CACNA2D3: variants seen among roughly 807,000 people sequenced by gnomAD.
CACNA2D3 encodes calcium voltage-gated channel auxiliary subunit alpha2delta 3.
Under a neutral mutation model 160.6 loss-of-function variants are expected in CACNA2D3, and 60 were observed. The ratio of observed to expected loss-of-function variants is 0.37; its 90% confidence interval spans 0.30 to 0.46. CACNA2D3 has a LOEUF of 0.46. Ranked by LOEUF, CACNA2D3 falls within the 20% of genes least tolerant of loss-of-function variation. CACNA2D3 has a pLI of 1.00. For synonymous variants in CACNA2D3, 558 were observed against 492.9 expected, an observed-to-expected ratio of 1.13 and a Z score of -1.75; for missense variants, 1,205 against 1,365.0, an observed-to-expected ratio of 0.88 and a Z score of 1.85.
rs115108719 is a variant in CACNA2D3, at chr3:54,548,442, G to C, written c.545-14358G>C. Among the ~76,000 whole-genome samples the C allele has an allele frequency of 1.8e-3, 279 of 152,252 alleles. 3 individuals carry two copies. Among genetic ancestry groups the C allele is most frequent in the African/African-American group, 6.5e-3 (270 of 41,564 alleles). On this transcript the variant is annotated intron_variant, in intron 5 of 37. Transcript: ENST00000474759. The stretch of plus-strand genomic sequence containing the variant: ...TTTTCCACCCATGGTTCAAGCAAGA[G>C]ATCAAGATTTCTTTATTCTACTACC...
chr3:54,892,609 C>T (rs1419862978), intron 25 of CACNA2D3, among the ~76,000 whole-genome samples: 3 of 152,024 alleles, frequency 2.0e-5, no homozygotes, highest in African/African-American at 4.8e-5. Context: ...CTTTTTTAAG[C>T]GTTTTTCCCC....
chr3:54,423,862 A>G (rs1191056729), intron 4 of CACNA2D3, among the ~76,000 whole-genome samples: 1 of 151,382 alleles, frequency 6.6e-6, no homozygotes, highest in Non-Finnish European at 1.5e-5. Context: ...TGCTGGGTTT[A>G]ATGCTCTTCT....
chr3:54,638,905 T>C (rs1225466689), intron 10 of CACNA2D3: 1 of 151,920 alleles, frequency 6.6e-6, no homozygotes, highest in East Asian at 1.9e-4. Flanking sequence ...TTTTAAGTTC[T>C]TAAGAATACA....
rs895853181 is a variant in CACNA2D3 at position 54,745,894 on chromosome 3, G to A, written c.1168-6705G>A. Among the ~76,000 whole-genome samples the A allele has an allele frequency of 4.6e-5, 7 of 152,024 alleles. No homozygotes were observed. The East Asian group carries it at 5.8e-4, about 13-fold the overall frequency. Reference sequence around the variant, plus strand: ...AAGAGATTGTATAGACTCTTAGAGCGTCCCTAAGGTGACAGTCCATTTTTC... The same window carrying A: ...AAGAGATTGTATAGACTCTTAGAGCATCCCTAAGGTGACAGTCCATTTTTC... On this transcript the variant is annotated intron_variant, in intron 11 of 37. Transcript: ENST00000474759.
intron 27 of CACNA2D3, among the ~76,000 whole-genome samples, chr3:54,967,985 C>G (rs1222504255): frequency 1.3e-5 from 2 of 152,222 alleles, no homozygotes; most frequent in African/African-American, 4.8e-5. Context: ...AAGTGACTCA[C>G]TTCTGAATTC....
At chr3:54,990,473 A>G (rs1386626271) in intron 31 of CACNA2D3, among the ~76,000 whole-genome samples, 1 of 152,168 alleles carries the variant, frequency 6.6e-6, no homozygotes, top group Admixed American at 6.5e-5. Context: ...GGAGATTGCG[A>G]TAAGCCGAGG....
intron 4 of CACNA2D3, among the ~76,000 whole-genome samples, chr3:54,481,163 C>T (rs1406680260): frequency 6.6e-6 from 1 of 152,062 alleles, no homozygotes; most frequent in African/African-American, 2.4e-5. Flanking sequence ...AAAGAGTGGC[C>T]TCTGGCTAGG....
intron 4 of CACNA2D3, among the ~76,000 whole-genome samples, chr3:54,451,771 C>A (rs1208281294): frequency 6.6e-6 from 1 of 152,204 alleles, no homozygotes; most frequent in East Asian, 1.9e-4. Flanking sequence ...CTAGGCCACA[C>A]CTTCTGCACT....
At chr3:54,953,380 G>T (rs1274773758) in intron 27 of CACNA2D3, among the ~76,000 whole-genome samples, 3 of 152,128 alleles carry the variant, frequency 2.0e-5, no homozygotes, top group Admixed American at 2.0e-4. Context: ...AAGTGGTGGG[G>T]CCCGGTAACA....
chr3:54,766,037 C>T (rs1366889677), intron 13 of CACNA2D3, among the ~76,000 whole-genome samples: 1 of 152,084 alleles, frequency 6.6e-6, no homozygotes, highest in African/African-American at 2.4e-5. Context: ...TGGGTAAATT[C>T]CTCTGTGACC....
At chr3:54,605,505 G>A (rs1265487793) in intron 9 of CACNA2D3, among the ~76,000 whole-genome samples, 9 of 152,042 alleles carry the variant, frequency 5.9e-5, no homozygotes, top group Admixed American at 4.6e-4. Flanking sequence ...CACTCTTAGT[G>A]GGACCACCCT....
chr3:54,240,396 T>A (rs1290407893), intron 2 of CACNA2D3, among the ~76,000 whole-genome samples: 2 of 152,156 alleles, frequency 1.3e-5, no homozygotes, highest in Non-Finnish European at 2.9e-5. Context: ...TTACTAGATA[T>A]AATAATGCTT....
chr3:55,003,146 T>C (rs937962486), intron 31 of CACNA2D3, among the ~76,000 whole-genome samples: 1 of 152,204 alleles, frequency 6.6e-6, no homozygotes, highest in African/African-American at 2.4e-5. Context: ...ACCATTGTAG[T>C]ATTCTAGAAA....
In CACNA2D3 at chr3:54,556,993, G is replaced by A. The variant is rs183921898; in HGVS notation, c.545-5807G>A. On this transcript the variant is annotated intron_variant, in intron 5 of 37. Coordinates refer to ENST00000474759, the MANE Select transcript of CACNA2D3 (RefSeq NM_018398.3). ...TCATATTTAACTGTTTTTTTTTAAC[G>A]TAAATACTTAGATGAAAGCTCCATC... Among the ~76,000 whole-genome samples the A allele has an allele frequency of 1.4e-4, 22 of 152,074 alleles. 1 individual carries two copies. The highest frequency in any genetic ancestry group is 6.8e-3 in the Middle Eastern group (2 of 294).
At chr3:54,633,435 C>T (rs566448) in intron 10 of CACNA2D3, 139,379 of 152,230 alleles carry the variant, frequency 0.92, 64,096 homozygotes, top group Non-Finnish European at 0.94. Context: ...ACAGGATCCT[C>T]GTCACATGGC....
rs185864907 is a variant in CACNA2D3 at position 54,782,997 on chromosome 3, C to T, written c.1380+18646C>T. ...TGTGTCAGATAGGCCCTATTATCTC[C>T]ATTTACTTGATGAGGAAGCTGAGGT... On this transcript the variant is annotated intron_variant, in intron 13 of 37. Transcript: ENST00000474759. Among the ~76,000 whole-genome samples, 50 of 152,262 alleles carry T rather than the reference C, an allele frequency of 3.3e-4. 1 individual carries two copies. Among genetic ancestry groups the T allele is most frequent in the Admixed American group, 1.2e-3 (19 of 15,296 alleles).
chr3:54,351,358 G>A (rs941043583), intron 3 of CACNA2D3, among the ~76,000 whole-genome samples: 3 of 151,892 alleles, frequency 2.0e-5, no homozygotes, highest in African/African-American at 7.3e-5. Flanking sequence ...GCTGCTTGCC[G>A]CCATTTTTAA....
intron 9 of CACNA2D3, among the ~76,000 whole-genome samples, chr3:54,609,450 A>C (rs1276591146): frequency 6.6e-6 from 1 of 152,220 alleles, no homozygotes; most frequent in African/African-American, 2.4e-5. Context: ...CTGCTTGCAC[A>C]TCAAGTGACA....
chr3:54,578,752 G>T (rs1263337370), intron 8 of CACNA2D3, among the ~76,000 whole-genome samples: 1 of 152,212 alleles, frequency 6.6e-6, no homozygotes, highest in Non-Finnish European at 1.5e-5. Context: ...CACAGTGCTG[G>T]CAAGCATGGT....
Sources: allele counts gnomAD v4.1 joint callset (sites outside exome capture counted in the v4.1 genomes callset), GRCh38; gene constraint gnomAD v4.1.1; transcripts MANE v1.5; gene names NCBI Gene and HGNC (gene_info 2026-07-23, HGNC 2026-07-21).